WDR7: variants seen among roughly 807,000 people sequenced by gnomAD.
The protein encoded by WDR7 is WD repeat domain 7.
A neutral mutation model predicts 169.4 loss-of-function variants in WDR7; 46 were observed. The observed-to-expected ratio is 0.27, with a 90% CI of 0.21 to 0.35. The LOEUF is 0.35. Ranked by LOEUF, WDR7 falls within the 10% of genes least tolerant of loss-of-function variation. The pLI is 1.00. For missense variants in WDR7, 1,534 were observed against 1,859.3 expected (o/e 0.83, Z 3.22); for synonymous variants, 612 against 666.8 (o/e 0.92, Z 1.27).
chr18:56,707,440 T>C (rs2025985246), intron 12 of WDR7, among the ~76,000 whole-genome samples: 1 of 151,910 alleles, frequency 6.6e-6, no homozygotes, highest in Admixed American at 6.6e-5. Flanking sequence ...TTTTTTTTTT[T>C]TGGCATGAGA....
chr18:56,961,904 A>T (rs2047344065), intron 25 of WDR7, among the ~76,000 whole-genome samples: 1 of 152,154 alleles, frequency 6.6e-6, no homozygotes, highest in South Asian at 2.1e-4. Flanking sequence ...AACTACTGAT[A>T]TGAACTTAGG....
At chr18:56,672,698 T>C (rs778292310) in intron 2 of WDR7, 24 bp downstream of exon 2, 17 of 1,567,604 alleles carry the variant, frequency 1.1e-5, no homozygotes, top group Non-Finnish European at 1.4e-5. Flanking sequence ...ATGCCTATTA[T>C]ACATTTTAGA....
At chr18:56,957,495 G>T (rs1231547805) in intron 25 of WDR7, 1 of 150,624 alleles carries the variant, frequency 6.6e-6, no homozygotes. Flanking sequence ...GGTAGAAAAA[G>T]CTCTCTTAAG....
chr18:56,692,440 GT>G (rs1254344662), intron 9 of WDR7, among the ~76,000 whole-genome samples: 16 of 14,762 alleles, frequency 1.1e-3, no homozygotes, highest in Admixed American at 2.4e-3. Context: ...AGTTTTTTTT[GT>G]TTTTTTTTTT....
At chr18:56,978,434 G>A (rs775491262) in intron 26 of WDR7, among the ~76,000 whole-genome samples, 17 of 152,112 alleles carry the variant, frequency 1.1e-4, no homozygotes, top group Non-Finnish European at 2.2e-4. Flanking sequence ...GTATTTTTAG[G>A]CTAAAGGAAA....
At chr18:56,699,484 A>C (rs988907935) in intron 12 of WDR7, among the ~76,000 whole-genome samples, 4 of 152,250 alleles carry the variant, frequency 2.6e-5, no homozygotes, top group African/African-American at 9.6e-5. Context: ...AATATTTACC[A>C]AAAGTAATGA....
intron 14 of WDR7, among the ~76,000 whole-genome samples, chr18:56,734,693 T>C (rs2026660551): frequency 6.6e-6 from 1 of 152,136 alleles, no homozygotes; most frequent in South Asian, 2.1e-4. Flanking sequence ...TCTTACATTC[T>C]TTTTATGCTC....
At position 56,895,121 on chromosome 18, in the gene WDR7, A is replaced by G. The variant is rs372973432; in HGVS notation, c.3526+14956A>G. The stretch of plus-strand genomic sequence containing the variant: ...TAGCATGTTAATGGTATTATTTAGC[A>G]TGGACATTTTAGCAAATGTAGCAAA... On this transcript the variant is annotated intron_variant, in intron 21 of 27. Transcript: ENST00000254442. 5.0e-4 allele frequency among the ~76,000 whole-genome samples: 76 copies of G among 152,142 alleles called. 3 individuals carry two copies. The South Asian group carries it at 0.011, about 22-fold the overall frequency.
At chr18:56,830,159 A>T (rs2045283454) in intron 20 of WDR7, among the ~76,000 whole-genome samples, 1 of 152,172 alleles carries the variant, frequency 6.6e-6, no homozygotes, top group Non-Finnish European at 1.5e-5. Context: ...ACACTCTTGA[A>T]TTTTATCACA....
chr18:56,917,346 T>C (rs576502300), intron 21 of WDR7, among the ~76,000 whole-genome samples: 1 of 152,260 alleles, frequency 6.6e-6, no homozygotes, highest in East Asian at 1.9e-4. Context: ...ATCAAACAAA[T>C]TATGCTGAAA....
intron 25 of WDR7, among the ~76,000 whole-genome samples, chr18:56,949,706 A>G (rs1327052868): frequency 6.6e-6 from 1 of 152,222 alleles, no homozygotes. Flanking sequence ...CTTTACTGTT[A>G]TATTAAATCC....
At chr18:57,024,579 G>A (rs995579844) in intron 27 of WDR7, among the ~76,000 whole-genome samples, 1 of 141,852 alleles carries the variant, frequency 7.0e-6, no homozygotes, top group African/African-American at 2.7e-5. Context: ...GTCCCTTATA[G>A]AATTTCACAT....
At chr18:56,679,801 T>C (rs1325843503) in intron 3 of WDR7, among the ~76,000 whole-genome samples, 1 of 152,174 alleles carries the variant, frequency 6.6e-6, no homozygotes, top group Non-Finnish European at 1.5e-5. Context: ...TAGCATAAAT[T>C]TTGAAGATGA....
chr18:56,999,612 A>C (rs1036712431), intron 26 of WDR7, among the ~76,000 whole-genome samples: 1 of 152,168 alleles, frequency 6.6e-6, no homozygotes, highest in Admixed American at 6.5e-5. Flanking sequence ...GCACTTATCA[A>C]GGAAAGATGT....
chr18:56,800,761 C>T (rs2044658909), intron 19 of WDR7, among the ~76,000 whole-genome samples: 1 of 152,186 alleles, frequency 6.6e-6, no homozygotes, highest in African/African-American at 2.4e-5. Flanking sequence ...TTGATATGGC[C>T]TCATCTTTTT....
chr18:56,980,572 A>C (rs931513877), intron 26 of WDR7, among the ~76,000 whole-genome samples: 2 of 147,910 alleles, frequency 1.4e-5, no homozygotes, highest in African/African-American at 5.3e-5. Flanking sequence ...CAAATAATTA[A>C]AGAAACACAT....
intron 26 of WDR7, among the ~76,000 whole-genome samples, chr18:57,013,794 G>A (rs2048170476): frequency 6.6e-6 from 1 of 152,210 alleles, no homozygotes; most frequent in Non-Finnish European, 1.5e-5. Context: ...ATTGGCTTAG[G>A]TGTGCACATC....
intron 1 of WDR7, among the ~76,000 whole-genome samples, chr18:56,665,063 C>A (rs1378801991): frequency 6.6e-6 from 1 of 151,922 alleles, no homozygotes; most frequent in Admixed American, 6.6e-5. Flanking sequence ...GGAGGTGAGG[C>A]GGGTGGATCA....
intron 26 of WDR7, among the ~76,000 whole-genome samples, chr18:56,963,237 T>C (rs1313302808): frequency 1.3e-5 from 2 of 152,126 alleles, no homozygotes; most frequent in African/African-American, 4.8e-5. Context: ...AAAATCGGGG[T>C]TAGGCTCCAC....
Sources: gnomAD v4.1 joint callset for allele counts (sites outside exome capture counted in the v4.1 genomes callset) on GRCh38, gnomAD v4.1.1 for gene constraint, MANE v1.5 for transcripts, NCBI Gene and HGNC (gene_info 2026-07-23, HGNC 2026-07-21) for gene names.